The following CAPS2 variants were observed in gnomAD, a reference collection of about 807,000 sequenced individuals.
The protein encoded by CAPS2 is calcyphosin-2.
CAPS2 carries 98 observed loss-of-function variants against 86.5 expected under a neutral mutation model. The ratio of observed to expected loss-of-function variants is 1.13; its 90% confidence interval spans 0.96 to 1.34. The LOEUF (loss-of-function observed/expected upper bound fraction) is 1.34, where lower values mean the gene tolerates loss of function less well. Among genes scored for constraint, CAPS2 ranks in the 40% most tolerant of loss-of-function variants. CAPS2 has a pLI of 0.00. For missense variants in CAPS2, 729 were observed against 686.8 expected, an observed-to-expected ratio of 1.06 and a Z score of -0.69; for synonymous variants, 210 against 225.1, an observed-to-expected ratio of 0.93 and a Z score of 0.60.
intron 14 of CAPS2, among the ~76,000 whole-genome samples, chr12:75,288,606 C>A (rs1026919615): frequency 5.9e-5 from 9 of 152,196 alleles, no homozygotes; most frequent in African/African-American, 1.2e-4. Flanking sequence ...ATCCTTGAGA[C>A]AAATGTGGTT....
chr12:75,279,276 G>C (rs1172363369), intron 16 of CAPS2, among the ~76,000 whole-genome samples: 1 of 151,828 alleles, frequency 6.6e-6, no homozygotes, highest in Non-Finnish European at 1.5e-5. Context: ...CTCCTGCACT[G>C]ATCTATCTCC....
At position 75,321,590 on chromosome 12, in the gene CAPS2, G is replaced by A; in HGVS notation, c.292-14C>T. 6.6e-7 allele frequency: 1 copy of A among 1,518,862 alleles called. No homozygotes were observed. Among genetic ancestry groups the A allele is most frequent in the African/African-American group, 1.4e-5 (1 of 71,196 alleles). The allele number at this position is 1,518,862 out of a possible 1,614,324, so 94.1% of individuals were successfully genotyped here. On this transcript the variant is annotated splice_polypyrimidine_tract_variant and intron_variant, in intron 4 of 16. Coordinates refer to ENST00000393284, the Ensembl canonical transcript of CAPS2. ...TATGTTCTGATCCTATAGGTAAAAA[G>A]AAAAAAGCATGCTATCAGAAAAAAA...
rs182710357 is a variant in CAPS2, at chr12:75,354,493, A to C, written c.-394-31271T>G. Among the ~76,000 whole-genome samples, 260 of 152,360 alleles carry C rather than the reference A, an allele frequency of 1.7e-3. 2 individuals are homozygous for C. The highest frequency in any genetic ancestry group is 4.1e-3 in the Admixed American group (63 of 15,304). Reference sequence around the variant, plus strand: ...AAGGAAATCAGAGAAGGCACAAACAAATGAAAAAACATTGCATGTTCATGG... The same window carrying C: ...AAGGAAATCAGAGAAGGCACAAACACATGAAAAAACATTGCATGTTCATGG... On this transcript the variant is annotated intron_variant, in intron 1 of 5. Transcript: ENST00000551829.
At chr12:75,279,935 G>T (rs1343516479) in intron 16 of CAPS2, among the ~76,000 whole-genome samples, 2 of 151,618 alleles carry the variant, frequency 1.3e-5, no homozygotes, top group Non-Finnish European at 3.0e-5. Flanking sequence ...TTTTTCTGAG[G>T]AAACATTTTT....
intron 1 of CAPS2, among the ~76,000 whole-genome samples, chr12:75,387,246 CA>C (rs1276583218): frequency 6.6e-6 from 1 of 152,078 alleles, no homozygotes; most frequent in African/African-American, 2.4e-5. Context: ...AAAAATGGGT[CA>C]AAAACCTTAA....
intron 1 of CAPS2, chr12:75,373,507 T>C (rs911767277): frequency 2.6e-5 from 4 of 152,168 alleles, no homozygotes; most frequent in Admixed American, 6.5e-5. Context: ...TGAATCACTA[T>C]ATTATCATAC....
chr12:75,290,517 T>C (rs1475332822), intron 13 of CAPS2, among the ~76,000 whole-genome samples: 3 of 152,214 alleles, frequency 2.0e-5, no homozygotes, highest in South Asian at 4.1e-4. Context: ...TTACACACTT[T>C]GGCATCAAGA....
intron 1 of CAPS2, among the ~76,000 whole-genome samples, chr12:75,364,000 C>T (rs141285112): frequency 3.4e-4 from 51 of 152,210 alleles, no homozygotes; most frequent in African/African-American, 1.0e-3. Context: ...TAAAGGCTTA[C>T]GATCAATAGA....
chr12:75,341,432 T>C (rs1383475246), intron 1 of CAPS2, among the ~76,000 whole-genome samples: 1 of 152,098 alleles, frequency 6.6e-6, no homozygotes, highest in African/African-American at 2.4e-5. Flanking sequence ...TCTATTTATA[T>C]AACATTCTTT....
chr12:75,282,536 G>A (rs11180442), intron 15 of CAPS2, among the ~76,000 whole-genome samples, 189 bp from the exon 16 acceptor site: 34,061 of 151,790 alleles, frequency 0.22, 4,165 homozygotes, highest in South Asian at 0.38. Context: ...ACAGGCGCCC[G>A]CCACCACACC....
chr12:75,320,694 C>T lies in CAPS2; in HGVS notation c.468+706G>A, dbSNP rs544638302. On this transcript the variant is annotated intron_variant, in intron 5 of 16. Coordinates refer to ENST00000393284, the Ensembl canonical transcript of CAPS2. ...CAACATTAAAACGTCCCTGGAAACACATTACTCTTATAGAAAGTTAACTGA... is the reference window on the plus strand; with the variant it reads ...CAACATTAAAACGTCCCTGGAAACATATTACTCTTATAGAAAGTTAACTGA... Among the ~76,000 whole-genome samples, 4 of 151,958 alleles carry T rather than the reference C, an allele frequency of 2.6e-5. No homozygotes were observed. In the East Asian group the frequency reaches 7.7e-4, roughly 29 times the overall value.
chr12:75,308,376 AC>A (rs2138723069), intron 7 of CAPS2, among the ~76,000 whole-genome samples: 1 of 152,256 alleles, frequency 6.6e-6, no homozygotes, highest in African/African-American at 2.4e-5. Context: ...CCAATGGGAA[AC>A]CTCTAGAGGG....
chr12:75,332,005 T>C (rs2041362703), upstream of CAPS2, among the ~76,000 whole-genome samples: 1 of 152,236 alleles, frequency 6.6e-6, no homozygotes. Flanking sequence ...TTTTTACACC[T>C]AAATTGTTTT....
chr12:75,364,224 C>A (rs565572694), intron 1 of CAPS2, among the ~76,000 whole-genome samples: 1 of 152,296 alleles, frequency 6.6e-6, no homozygotes, highest in East Asian at 1.9e-4. Flanking sequence ...TGAGACATGT[C>A]TGACCTCCCC....
At chr12:75,279,877 C>G (rs1593165382) in intron 16 of CAPS2, among the ~76,000 whole-genome samples, 1 of 151,982 alleles carries the variant, frequency 6.6e-6, no homozygotes, top group East Asian at 1.9e-4. Flanking sequence ...AAATTTCCAT[C>G]TTTGTTTACC....
chr12:75,378,840 C>T (rs1366996243), intron 1 of CAPS2, among the ~76,000 whole-genome samples: 1 of 152,184 alleles, frequency 6.6e-6, no homozygotes, highest in Non-Finnish European at 1.5e-5. Flanking sequence ...AACTAACCAT[C>T]ACATTACTAT....
intron 5 of CAPS2, among the ~76,000 whole-genome samples, chr12:75,319,213 T>C (rs2040068228): frequency 6.6e-6 from 1 of 152,274 alleles, no homozygotes; most frequent in Middle Eastern, 3.4e-3. Flanking sequence ...ACCATTAGAA[T>C]TGCCATGGTT....
intron 1 of CAPS2, among the ~76,000 whole-genome samples, chr12:75,347,286 T>G (rs1328517906): frequency 6.6e-6 from 1 of 152,144 alleles, no homozygotes; most frequent in African/African-American, 2.4e-5. Flanking sequence ...ATATTGTTTG[T>G]ATGATATTCC....
chr12:75,323,103 A>G lies in CAPS2; in HGVS notation c.178-16T>C, dbSNP rs556415678. On this transcript the variant is annotated splice_polypyrimidine_tract_variant and intron_variant, in intron 3 of 16. Coordinates refer to ENST00000393284, the Ensembl canonical transcript of CAPS2. The stretch of plus-strand genomic sequence containing the variant: ...AAAAATTGTCCTAAAAAATAAAGTT[A>G]ATGATATTTCTTATATGCTATGTGT... 1.5e-5 allele frequency: 23 copies of G among 1,519,802 alleles called. No homozygotes were observed. The African/African-American group carries it at 2.2e-4, about 15-fold the overall frequency. The allele number at this position is 1,519,802 out of a possible 1,614,324, so 94.1% of individuals were successfully genotyped here.
Sources: allele counts gnomAD v4.1 joint callset (sites outside exome capture counted in the v4.1 genomes callset), GRCh38; gene constraint gnomAD v4.1.1; transcripts MANE v1.5; gene names NCBI Gene and HGNC (gene_info 2026-07-23, HGNC 2026-07-21).